The following SYNPR variants were observed in gnomAD, a reference collection of about 807,000 sequenced individuals.
The protein encoded by SYNPR is synaptoporin.
Under a neutral mutation model 32.9 loss-of-function variants are expected in SYNPR, and 23 were observed. That is an observed-to-expected ratio of 0.70 (90% CI 0.50 to 0.99). The LOEUF is 0.99. Among genes scored for constraint, SYNPR ranks in the 50% least tolerant of loss-of-function variants. SYNPR has a pLI of 0.00. For missense variants in SYNPR, 318 were observed against 349.3 expected (o/e 0.91, Z 0.71); for synonymous variants, 146 against 135.9 (o/e 1.07, Z -0.52).
chr3:63,281,341 TC>T (rs1412792438), intron 2 of SYNPR, among the ~76,000 whole-genome samples: 1 of 152,202 alleles, frequency 6.6e-6, no homozygotes, highest in Non-Finnish European at 1.5e-5. Flanking sequence ...CTTGACAGTG[TC>T]TTTAAGCTGC....
chr3:63,459,569 T>A (rs927444640), intron 2 of SYNPR, among the ~76,000 whole-genome samples: 11 of 152,146 alleles, frequency 7.2e-5, no homozygotes, highest in African/African-American at 2.7e-4. Flanking sequence ...TCATTTTAGA[T>A]TATCCAGGAC....
At chr3:63,491,996 A>G (rs751375065) in intron 3 of SYNPR, among the ~76,000 whole-genome samples, 2 of 152,194 alleles carry the variant, frequency 1.3e-5, no homozygotes, top group Non-Finnish European at 2.9e-5. Context: ...TTAGAGCCCA[A>G]GGTGGAACCT....
intron 4 of SYNPR, among the ~76,000 whole-genome samples, chr3:63,583,121 T>C (rs2106864715): frequency 6.6e-6 from 1 of 152,086 alleles, no homozygotes; most frequent in East Asian, 1.9e-4. Context: ...ACAAAGTGCA[T>C]GGTGGGGAGA....
intron 3 of SYNPR, among the ~76,000 whole-genome samples, chr3:63,555,859 A>C (rs1377312822): frequency 6.6e-5 from 10 of 152,248 alleles, no homozygotes; most frequent in Admixed American, 6.5e-4. Context: ...TTCATTACCA[A>C]GACAGCTTTA....
At chr3:63,390,887 C>T (rs757957380) in intron 2 of SYNPR, among the ~76,000 whole-genome samples, 6 of 152,170 alleles carry the variant, frequency 3.9e-5, no homozygotes, top group Non-Finnish European at 5.9e-5. Flanking sequence ...CAGAGCCCTC[C>T]GCGCTCTTCT....
At chr3:63,449,704 C>G (rs75781148) in intron 2 of SYNPR, among the ~76,000 whole-genome samples, 15 of 152,196 alleles carry the variant, frequency 9.9e-5, no homozygotes, top group Non-Finnish European at 2.1e-4. Flanking sequence ...TTGCTTTCCC[C>G]GAATATACTA....
chr3:63,547,754 G>A (rs1702433775), intron 3 of SYNPR, among the ~76,000 whole-genome samples: 1 of 152,118 alleles, frequency 6.6e-6, no homozygotes, highest in Non-Finnish European at 1.5e-5. Context: ...GTTTTTGTAT[G>A]GGAGGTTAAG....
intron 2 of SYNPR, among the ~76,000 whole-genome samples, chr3:63,363,557 T>C (rs1307421553): frequency 1.3e-5 from 2 of 152,178 alleles, no homozygotes; most frequent in Non-Finnish European, 2.9e-5. Flanking sequence ...TAGGTTTGGG[T>C]TGTTGCTCTG....
At chr3:63,432,681 A>G (rs1305216902) in intron 2 of SYNPR, among the ~76,000 whole-genome samples, 1 of 152,120 alleles carries the variant, frequency 6.6e-6, no homozygotes, top group Non-Finnish European at 1.5e-5. Context: ...AGAGGGAGAG[A>G]TGGTCCTGAG....
At position 63,304,401 on chromosome 3, in the gene SYNPR, C is replaced by T. The variant is rs138775282; in HGVS notation, c.84+25659C>T. On this transcript the variant is annotated intron_variant, in intron 2 of 5. Transcript: ENST00000478300. ...GTGTGTGTAAGAAATTTTAAATCAC[C>T]GGTCATTTTTATGTATTTTTCCTCT... Among the ~76,000 whole-genome samples the T allele has an allele frequency of 4.7e-3, 717 of 151,330 alleles. 5 individuals are homozygous for T. The highest frequency in any genetic ancestry group is 0.015 in the African/African-American group (635 of 41,252).
intron 3 of SYNPR, among the ~76,000 whole-genome samples, chr3:63,493,457 A>C: frequency 6.6e-6 from 1 of 151,866 alleles, no homozygotes; most frequent in East Asian, 1.9e-4. Flanking sequence ...AGAACTTTAG[A>C]CTCTCTCAAT....
chr3:63,449,031 A>T (rs1226651021), intron 2 of SYNPR, among the ~76,000 whole-genome samples: 1 of 152,212 alleles, frequency 6.6e-6, no homozygotes, highest in Non-Finnish European at 1.5e-5. Flanking sequence ...TGTGTGTCTT[A>T]TAAGCATTAT....
chr3:63,356,292 C>T (rs1053036551), intron 2 of SYNPR, among the ~76,000 whole-genome samples: 3 of 152,202 alleles, frequency 2.0e-5, no homozygotes, highest in Non-Finnish European at 2.9e-5. Flanking sequence ...GATCAGAAGG[C>T]ATCAAGAATG....
intron 3 of SYNPR, among the ~76,000 whole-genome samples, chr3:63,527,191 C>T (rs888158793): frequency 6.6e-6 from 1 of 152,114 alleles, no homozygotes; most frequent in African/African-American, 2.4e-5. Context: ...GAAATGATCA[C>T]AGGACATTCT....
intron 2 of SYNPR, among the ~76,000 whole-genome samples, chr3:63,459,583 C>A (rs1185496279): frequency 6.6e-6 from 1 of 152,134 alleles, no homozygotes; most frequent in Non-Finnish European, 1.5e-5. Context: ...CCAGGACTCA[C>A]TGGACAGGGT....
chr3:63,306,967 C>G (rs959679240), intron 2 of SYNPR, among the ~76,000 whole-genome samples: 4 of 151,928 alleles, frequency 2.6e-5, no homozygotes, highest in African/African-American at 9.7e-5. Flanking sequence ...GTTTCTGAGA[C>G]AATAAGAATA....
At chr3:63,283,182 C>T (rs947731256) in intron 2 of SYNPR, among the ~76,000 whole-genome samples, 40 of 152,222 alleles carry the variant, frequency 2.6e-4, no homozygotes, top group Non-Finnish European at 4.9e-4. Context: ...GGATTACCCA[C>T]ATGAACTGGT....
At chr3:63,253,809 A>C (rs1217578046) in intron 2 of SYNPR, among the ~76,000 whole-genome samples, 1 of 152,216 alleles carries the variant, frequency 6.6e-6, no homozygotes, top group Non-Finnish European at 1.5e-5. Flanking sequence ...CAGCCATCTC[A>C]TTACTGAGTA....
intron 2 of SYNPR, among the ~76,000 whole-genome samples, chr3:63,444,905 C>G (rs1203921499): frequency 6.6e-6 from 1 of 151,108 alleles, no homozygotes; most frequent in Non-Finnish European, 1.5e-5. Flanking sequence ...CAGTCTTAGA[C>G]GACAAACCTT....
Sources: allele counts gnomAD v4.1 joint callset (sites outside exome capture counted in the v4.1 genomes callset), GRCh38; gene constraint gnomAD v4.1.1; transcripts MANE v1.5; gene names NCBI Gene and HGNC (gene_info 2026-07-23, HGNC 2026-07-21).